CDIN1: variants seen among roughly 807,000 people sequenced by gnomAD.
CDIN1 encodes CDAN1-interacting nuclease 1.
A neutral mutation model predicts 45.3 loss-of-function variants in CDIN1; 33 were observed. The ratio of observed to expected loss-of-function variants is 0.73; its 90% CI spans 0.55 to 0.97. The LOEUF is 0.97. Ranked by LOEUF, CDIN1 falls within the 50% of genes least tolerant of loss-of-function variation. CDIN1 has a pLI of 0.00. For synonymous variants in CDIN1, 118 were observed against 124.4 expected, an observed-to-expected ratio of 0.95 and a Z score of 0.34; for missense variants, 303 against 339.4, an observed-to-expected ratio of 0.89 and a Z score of 0.84.
intron 3 of CDIN1, among the ~76,000 whole-genome samples, chr15:36,653,478 A>T (rs187590290): frequency 1.3e-5 from 2 of 150,530 alleles, no homozygotes; most frequent in East Asian, 2.0e-4. Flanking sequence ...AAATCCCCCC[A>T]GCTTCCATGT....
At chr15:36,694,632 T>G (rs2042361422) in intron 7 of CDIN1, among the ~76,000 whole-genome samples, 1 of 152,088 alleles carries the variant, frequency 6.6e-6, no homozygotes, top group Non-Finnish European at 1.5e-5. Context: ...CCTACACCTT[T>G]CCCACCACAG....
chr15:36,807,546 A>G (rs904817154), intron 10 of CDIN1, among the ~76,000 whole-genome samples: 22 of 152,168 alleles, frequency 1.4e-4, no homozygotes, highest in Non-Finnish European at 2.8e-4. Flanking sequence ...GAAGTAGTCC[A>G]TAGGGCCACT....
chr15:36,709,426 T>C, intron 9 of CDIN1, 138 bp downstream of exon 9: 1 of 536,398 alleles, frequency 1.9e-6, no homozygotes, highest in Non-Finnish European at 3.1e-6. Flanking sequence ...CAGCAGAAAA[T>C]AATAGGTTCA....
At chr15:36,599,752 C>T (rs138256973) in intron 1 of CDIN1, among the ~76,000 whole-genome samples, 4 of 152,272 alleles carry the variant, frequency 2.6e-5, no homozygotes, top group East Asian at 1.9e-4. Context: ...GTCAGCTCCA[C>T]GATGTTCTGA....
At chr15:36,614,951 T>C (rs1034534897) in intron 1 of CDIN1, among the ~76,000 whole-genome samples, 2 of 152,100 alleles carry the variant, frequency 1.3e-5, no homozygotes, top group African/African-American at 4.8e-5. Flanking sequence ...CCCCCTTATG[T>C]TGAGGTAACC....
At position 36,622,770 on chromosome 15, in the gene CDIN1, C is replaced by T. The variant is rs528901884; in HGVS notation, c.102-21508C>T. 2.7e-4 allele frequency among the ~76,000 whole-genome samples: 41 copies of T among 152,330 alleles called. 1 individual carries two copies. The South Asian group carries it at 8.3e-3, about 31-fold the overall frequency. On this transcript the variant is annotated intron_variant, in intron 1 of 10. Coordinates refer to ENST00000566621, the MANE Select transcript of CDIN1 (RefSeq NM_001321759.2). The stretch of plus-strand genomic sequence containing the variant: ...GAGGTCAAGTAGCTCTAACAGGAAC[C>T]AGGCAGAGCCTGGCCTTCTAGTAAG...
chr15:36,735,342 A>G (rs1431839525), intron 10 of CDIN1, among the ~76,000 whole-genome samples: 2 of 152,164 alleles, frequency 1.3e-5, no homozygotes. Context: ...TGTAAAATTT[A>G]ATGTTGATCT....
At chr15:36,685,597 G>A (rs1224269914) in intron 5 of CDIN1, among the ~76,000 whole-genome samples, 1 of 151,500 alleles carries the variant, frequency 6.6e-6, no homozygotes, top group Non-Finnish European at 1.5e-5. Flanking sequence ...TACAGCAAAA[G>A]AAACTACCAT....
intron 1 of CDIN1, among the ~76,000 whole-genome samples, chr15:36,637,271 A>T (rs11856702): frequency 0.092 from 14,006 of 152,312 alleles, 738 homozygotes; most frequent in Middle Eastern, 0.13. Flanking sequence ...ACCTAAACGT[A>T]AAAGCCGAAA....
chr15:36,724,824 G>T (rs2043562489), intron 10 of CDIN1, among the ~76,000 whole-genome samples: 1 of 152,056 alleles, frequency 6.6e-6, no homozygotes, highest in African/African-American at 2.4e-5. Flanking sequence ...AGTAATTTTA[G>T]TCTGGTTGCA....
chr15:36,682,622 G>A (rs1195204166), intron 5 of CDIN1, among the ~76,000 whole-genome samples: 2 of 149,326 alleles, frequency 1.3e-5, no homozygotes, highest in African/African-American at 2.5e-5. Context: ...ACAAAAATTA[G>A]CTGGGGTTGT....
At chr15:36,728,828 C>T (rs2140905110) in intron 10 of CDIN1, among the ~76,000 whole-genome samples, 1 of 152,184 alleles carries the variant, frequency 6.6e-6, no homozygotes, top group South Asian at 2.1e-4. Flanking sequence ...CGCGTGCCAC[C>T]ACGTTCAGCT....
At chr15:36,596,784 A>G (rs1424238179) in intron 1 of CDIN1, among the ~76,000 whole-genome samples, 1 of 152,124 alleles carries the variant, frequency 6.6e-6, no homozygotes, top group Non-Finnish European at 1.5e-5. Context: ...TTTAAAAAAA[A>G]CAAAAAACAA....
rs945177726 is a variant in CDIN1, at chr15:36,791,247, A to G, written c.717-17077A>G. ...TAGCTATGCAAAGATACTCTGCCTG[A>G]CTTTTCTCTGTATTATTTGGCTATT... On this transcript the variant is annotated intron_variant, in intron 10 of 10. Coordinates refer to ENST00000566621, the MANE Select transcript of CDIN1 (RefSeq NM_001321759.2). 5.3e-5 allele frequency among the ~76,000 whole-genome samples: 8 copies of G among 152,310 alleles called. 1 individual carries two copies. The highest frequency in any genetic ancestry group is 3.4e-3 in the Middle Eastern group (1 of 294).
intron 5 of CDIN1, among the ~76,000 whole-genome samples, chr15:36,682,046 G>C (rs1007924829): frequency 6.6e-6 from 1 of 152,090 alleles, no homozygotes; most frequent in African/African-American, 2.4e-5. Context: ...GAGTTCTCCA[G>C]AGAAACAGAA....
chr15:36,641,358 G>A lies in CDIN1; in HGVS notation c.102-2920G>A, dbSNP rs533715086. ...CCATCTTCCGTCTGCCATCCTCACA[G>A]TGCTAGTTTTTTCTTCAGGTCTGTT... is the stretch of plus-strand genomic sequence containing the variant. On this transcript the variant is annotated intron_variant, in intron 1 of 10. Transcript: ENST00000566621. 1.0e-4 allele frequency: 16 copies of A among 152,514 alleles called. 1 individual carries two copies. The South Asian group carries it at 2.7e-3, about 26-fold the overall frequency. 9.4% of individuals were successfully genotyped at this position (152,514 alleles called of 1,614,324 possible). A position where few individuals can be genotyped will look rare whatever the true frequency, so the allele number is the denominator to read the frequency against.
At chr15:36,789,450 G>T (rs1043959273) in intron 10 of CDIN1, among the ~76,000 whole-genome samples, 2 of 152,100 alleles carry the variant, frequency 1.3e-5, no homozygotes, top group African/African-American at 4.8e-5. Context: ...AATCTTCTGC[G>T]ACCTTCCTAG....
chr15:36,581,043 A>G (rs2037017586), intron 1 of CDIN1, among the ~76,000 whole-genome samples: 1 of 152,200 alleles, frequency 6.6e-6, no homozygotes, highest in Non-Finnish European at 1.5e-5. Flanking sequence ...TCTTTTCAAT[A>G]TTATCCAGAT....
At chr15:36,608,973 GTATATAGA>G (rs1299555265) in intron 1 of CDIN1, among the ~76,000 whole-genome samples, 1 of 131,536 alleles carries the variant, frequency 7.6e-6, no homozygotes, top group African/African-American at 3.1e-5. Flanking sequence ...ATGTATGTGT[GTATATAGA>G]TAGATAGATA....
Sources: allele counts gnomAD v4.1 joint callset (sites outside exome capture counted in the v4.1 genomes callset), GRCh38; gene constraint gnomAD v4.1.1; transcripts MANE v1.5; gene names NCBI Gene and HGNC (gene_info 2026-07-23, HGNC 2026-07-21).